Variants in KLHL29 observed in about 807,000 individuals in gnomAD.
KLHL29 encodes the protein kelch like family member 29.
In KLHL29, 21 loss-of-function variants were observed where a neutral mutation model predicts 80.4. The observed-to-expected ratio is 0.26, with a 90% confidence interval of 0.19 to 0.38. The LOEUF is 0.38. Ranked by LOEUF, KLHL29 falls within the 10% of genes least tolerant of loss-of-function variation. KLHL29 has a pLI of 1.00. For synonymous variants in KLHL29, 511 were observed against 526.8 expected (o/e 0.97, Z 0.41); for missense variants, 867 against 1,223.9 (o/e 0.71, Z 4.35).
intron 4 of KLHL29, among the ~76,000 whole-genome samples, chr2:23,640,654 C>T (rs1000036189): frequency 2.0e-5 from 3 of 152,204 alleles, no homozygotes; most frequent in African/African-American, 2.4e-5. Context: ...CAGTTCTCCC[C>T]GACCTCTCTC....
intron 3 of KLHL29, among the ~76,000 whole-genome samples, chr2:23,581,299 T>A (rs924880312): frequency 1.3e-5 from 2 of 152,214 alleles, no homozygotes; most frequent in African/African-American, 2.4e-5. Flanking sequence ...TTCCCACCGT[T>A]TTGAACATCA....
chr2:23,495,104 T>C (rs1274780121), intron 2 of KLHL29, among the ~76,000 whole-genome samples: 1 of 152,174 alleles, frequency 6.6e-6, no homozygotes, highest in East Asian at 1.9e-4. Context: ...CAAGCAATTT[T>C]CTCGAACTCC....
chr2:23,518,141 G>A (rs1026836683), intron 2 of KLHL29, among the ~76,000 whole-genome samples: 39 of 152,268 alleles, frequency 2.6e-4, no homozygotes, highest in African/African-American at 7.2e-4. Flanking sequence ...AGACAAGTCC[G>A]GTGGGCTGGG....
chr2:23,683,064 C>T (rs1019629243), intron 5 of KLHL29, among the ~76,000 whole-genome samples: 4 of 152,362 alleles, frequency 2.6e-5, no homozygotes, highest in Middle Eastern at 6.8e-3. Context: ...GATCCTCAAT[C>T]CCCATTTTAC....
chr2:23,693,932 G>A (rs1671782287), intron 8 of KLHL29, among the ~76,000 whole-genome samples: 1 of 152,226 alleles, frequency 6.6e-6, no homozygotes, highest in Admixed American at 6.5e-5. Context: ...TGAGGGGACT[G>A]TGTTGGGTAA....
chr2:23,516,219 G>C (rs6747396), intron 2 of KLHL29, among the ~76,000 whole-genome samples: 4,892 of 151,234 alleles, frequency 0.032, 243 homozygotes, highest in African/African-American at 0.11. Flanking sequence ...TCTACTTACA[G>C]AAGACCCTTG....
intron 1 of KLHL29, among the ~76,000 whole-genome samples, chr2:23,473,945 A>G (rs977324919): frequency 3.3e-5 from 5 of 151,378 alleles, no homozygotes; most frequent in South Asian, 2.1e-4. Context: ...CACACGACCT[A>G]CTCCTCATCT....
chr2:23,418,232 C>G (rs540805978), intron 1 of KLHL29, among the ~76,000 whole-genome samples: 30 of 152,196 alleles, frequency 2.0e-4, no homozygotes, highest in Non-Finnish European at 3.8e-4. Flanking sequence ...CCCATCCTAC[C>G]TGGACCCCGC....
chr2:23,593,407 C>T (rs550052916), intron 3 of KLHL29, among the ~76,000 whole-genome samples: 7 of 152,248 alleles, frequency 4.6e-5, no homozygotes, highest in African/African-American at 1.4e-4. Flanking sequence ...ACAGGGCCTG[C>T]GGTGAATAGC....
intron 4 of KLHL29, among the ~76,000 whole-genome samples, chr2:23,640,820 G>C (rs991852225): frequency 6.6e-6 from 1 of 152,228 alleles, no homozygotes; most frequent in Non-Finnish European, 1.5e-5. Context: ...GGCGATGCAG[G>C]CCTCGTACCG....
At chr2:23,478,332 T>C (rs777758984) in intron 2 of KLHL29, among the ~76,000 whole-genome samples, 3 of 152,026 alleles carry the variant, frequency 2.0e-5, no homozygotes, top group Non-Finnish European at 2.9e-5. Flanking sequence ...ATTTCCAAGA[T>C]GATAGGAAGG....
chr2:23,684,477 T>C lies in KLHL29; in HGVS notation c.1019T>C (p.Phe340Ser). 3 of 1,551,228 alleles carry C rather than the reference T, an allele frequency of 1.9e-6. No homozygotes were observed. The highest frequency in any genetic ancestry group is 2.6e-6 in the Non-Finnish European group (3 of 1,146,868). The change falls in exon 6 of 14, where the codon TTT becomes TCT. Residue 340 changes from phenylalanine (F) to serine (S), a missense_variant. By Grantham distance (155) the Phe-to-Ser change is radical. This residue lies in a region of KLHL29 where 443 missense variants were observed against 767.0 expected (regional missense o/e 0.58). Coordinates refer to ENST00000486442, the MANE Select transcript of KLHL29 (RefSeq NM_052920.2). This position sits in a 1 kb window ranked among gnomAD's most constrained non-coding sequence, Gnocchi z 4.4. ...DLKIVVEGRE[F>S]EVHQNVLASC... is the part of the protein sequence containing the mutation. ...AAAATTGTTGTTGAAGGCAGAGAGT[T>C]TGAAGTCCACCAAAATGTTCTAGCT...
Position 23,703,768 on chromosome 2 carries a change from G to C in KLHL29, c.2349G>C (p.Leu783=). Residue 783 remains leucine, a synonymous_variant, in exon 13 of 14, where the codon CTG becomes CTC. Transcript: ENST00000486442. ...CGCTCAATGGCTTCGTTTTCATCCT[G>C]GGCGGGGCTTATGCCAGAGCTACCA... ...AVTLNGFVFI[L]GGAYARATTI... is the part of the protein sequence containing the mutation. 6.5e-7 allele frequency: 1 copy of C among 1,537,364 alleles called. No individual in the cohort carries two copies. The highest frequency in any genetic ancestry group is 1.7e-4 in the Middle Eastern group (1 of 5,988).
At chr2:23,520,391 C>T (rs1477213549) in intron 2 of KLHL29, among the ~76,000 whole-genome samples, 1 of 152,234 alleles carries the variant, frequency 6.6e-6, no homozygotes, top group Non-Finnish European at 1.5e-5. Flanking sequence ...CTTTCAGGGC[C>T]TTCTGTGATT....
rs1671183867 is a variant in KLHL29, at chr2:23,684,623, C to G, written c.1079+86C>G. On this transcript the variant is annotated intron_variant, in intron 6 of 13. Transcript: ENST00000486442. This position sits in a 1 kb window ranked among gnomAD's most constrained non-coding sequence, Gnocchi z 4.4. Reference sequence around the variant, plus strand: ...TTTCTCTTCCCCTCTCTTGCAGGTTCCTGAAGCGTGACTCCCTGTCACAGA... The same window carrying G: ...TTTCTCTTCCCCTCTCTTGCAGGTTGCTGAAGCGTGACTCCCTGTCACAGA... The G allele has an allele frequency of 1.6e-6, 2 of 1,263,320 alleles. No homozygotes were observed. The highest frequency in any genetic ancestry group is 2.1e-6 in the Non-Finnish European group (2 of 935,546). The allele number at this position is 1,263,320 out of a possible 1,614,324, so 78.3% of individuals were successfully genotyped here.
chr2:23,414,619 A>T (rs964953570), intron 1 of KLHL29, among the ~76,000 whole-genome samples: 5 of 152,136 alleles, frequency 3.3e-5, no homozygotes, highest in African/African-American at 9.7e-5. Context: ...CCCCAAAGGT[A>T]TGGGGACCCA....
chr2:23,513,789 G>A (rs1665846859), intron 2 of KLHL29, among the ~76,000 whole-genome samples: 1 of 152,180 alleles, frequency 6.6e-6, no homozygotes, highest in South Asian at 2.1e-4. Flanking sequence ...ACTCTGGCAA[G>A]AGGGCCTAAA....
intron 2 of KLHL29, among the ~76,000 whole-genome samples, chr2:23,485,189 T>C (rs767332131): frequency 6.6e-6 from 1 of 152,200 alleles, no homozygotes; most frequent in Non-Finnish European, 1.5e-5. Context: ...GGCCTCTGGC[T>C]GTGCTCCTGG....
At chr2:23,653,345 C>T (rs1278768002) in intron 5 of KLHL29, among the ~76,000 whole-genome samples, 2 of 152,240 alleles carry the variant, frequency 1.3e-5, no homozygotes. Flanking sequence ...AGTTGTCCAT[C>T]TGAGACCTCT....
Sources: allele counts gnomAD v4.1 joint callset (sites outside exome capture counted in the v4.1 genomes callset), GRCh38; gene constraint gnomAD v4.1.1; regional missense constraint gnomAD v4.1.1; non-coding constraint Gnocchi (gnomAD v3.1); transcripts MANE v1.5; gene names NCBI Gene and HGNC (gene_info 2026-07-23, HGNC 2026-07-21).